The following LRRC8B variants were observed in gnomAD, a reference collection of about 807,000 sequenced individuals.
LRRC8B encodes leucine rich repeat containing 8 VRAC subunit B.
A neutral mutation model predicts 58.8 loss-of-function variants in LRRC8B; 23 were observed. The observed-to-expected ratio is 0.39, with a 90% confidence interval of 0.28 to 0.55. The LOEUF is 0.55. LRRC8B is among the 20% of genes least tolerant of loss of function. The pLI, the probability that LRRC8B is intolerant of heterozygous loss-of-function variation, is 0.62. For synonymous variants in LRRC8B, 359 were observed against 374.1 expected (o/e 0.96, Z 0.47); for missense variants, 694 against 936.0 (o/e 0.74, Z 3.37).
chr1:89,586,264 T>A (rs1198303884), intron 5 of LRRC8B, among the ~76,000 whole-genome samples: 3 of 152,186 alleles, frequency 2.0e-5, no homozygotes, highest in Non-Finnish European at 4.4e-5. Context: ...GAGCTGATGA[T>A]GCTGGCCTAG....
At chr1:89,586,563 C>T (rs952623655) in intron 5 of LRRC8B, among the ~76,000 whole-genome samples, 2 of 152,222 alleles carry the variant, frequency 1.3e-5, no homozygotes, top group South Asian at 4.2e-4. Flanking sequence ...ATGAAGAAAC[C>T]TTGAGACCAT....
intron 3 of LRRC8B, among the ~76,000 whole-genome samples, chr1:89,578,747 T>C (rs2101044099): frequency 6.6e-6 from 1 of 152,278 alleles, no homozygotes; most frequent in East Asian, 1.9e-4. Context: ...GAAACTTTTT[T>C]TTTGAGGTTT....
At chr1:89,575,893 A>T (rs953122910) in intron 3 of LRRC8B, among the ~76,000 whole-genome samples, 2 of 152,192 alleles carry the variant, frequency 1.3e-5, no homozygotes, top group Non-Finnish European at 2.9e-5. Context: ...CTTTTTAAAC[A>T]TATTGTAAAC....
At chr1:89,531,860 G>A (rs991671037) in intron 1 of LRRC8B, among the ~76,000 whole-genome samples, 1 of 152,154 alleles carries the variant, frequency 6.6e-6, no homozygotes, top group Admixed American at 6.5e-5. Flanking sequence ...CTAGTGTTGT[G>A]TGTGGTGGTC....
intron 1 of LRRC8B, among the ~76,000 whole-genome samples, chr1:89,544,602 A>ATAATAATATCCC (rs201091495): frequency 0.014 from 2,177 of 152,308 alleles, 19 homozygotes; most frequent in Non-Finnish European, 0.024. Context: ...CCTTATAATA[A>ATAATAATATCCC]TAATAATATC....
At chr1:89,540,723 G>A (rs2100835620) in intron 1 of LRRC8B, among the ~76,000 whole-genome samples, 1 of 152,300 alleles carries the variant, frequency 6.6e-6, no homozygotes, top group South Asian at 2.1e-4. Flanking sequence ...TTAGTTTTGG[G>A]AAGTAACACT....
intron 1 of LRRC8B, among the ~76,000 whole-genome samples, chr1:89,546,096 G>A: frequency 6.6e-6 from 1 of 152,046 alleles, no homozygotes; most frequent in East Asian, 1.9e-4. Context: ...GGTATATTAT[G>A]TGTTTTTTGA....
intron 1 of LRRC8B, among the ~76,000 whole-genome samples, chr1:89,527,795 A>C (rs555372382): frequency 1.3e-5 from 2 of 152,226 alleles, no homozygotes; most frequent in Non-Finnish European, 2.9e-5. Context: ...GCCTAGCTCC[A>C]ATCACTGATC....
At chr1:89,588,258 T>C (rs147257106) in intron 5 of LRRC8B, among the ~76,000 whole-genome samples, 2 of 152,294 alleles carry the variant, frequency 1.3e-5, no homozygotes, top group African/African-American at 4.8e-5. Flanking sequence ...AGGACGGTAA[T>C]AGGTGTCACC....
intron 1 of LRRC8B, among the ~76,000 whole-genome samples, chr1:89,555,090 G>A (rs572281679): frequency 2.0e-5 from 3 of 152,296 alleles, no homozygotes; most frequent in African/African-American, 7.2e-5. Context: ...CTAAGACCAA[G>A]TGAAGCTGCA....
intron 1 of LRRC8B, among the ~76,000 whole-genome samples, chr1:89,534,050 A>G (rs923484124): frequency 2.0e-5 from 3 of 152,226 alleles, no homozygotes; most frequent in Non-Finnish European, 4.4e-5. Context: ...CTTCAATGAA[A>G]TAATCCTGAC....
rs750723153 is a variant in LRRC8B, at chr1:89,583,031, G to A, written c.381G>A (p.Leu127=). 36 of 1,614,036 alleles carry A rather than the reference G, an allele frequency of 2.2e-5. 1 individual carries two copies. The South Asian group carries it at 3.7e-4, about 17-fold the overall frequency. ...AGTTTTTCCCCTATCTGGTGCTCTT[G>A]CACACGCTCATCTTTGCAGCCTGCA... ...FAKFFPYLVL[L]HTLIFAACSN... is the part of the protein sequence containing the mutation. Residue 127 remains leucine, a synonymous_variant, in exon 5 of 6, where the codon TTG becomes TTA. Transcript: ENST00000330947. The surrounding 1 kb of genome is among the most constrained non-coding windows in gnomAD (Gnocchi z 5.2).
chr1:89,534,062 T>C (rs560114398), intron 1 of LRRC8B, among the ~76,000 whole-genome samples: 1 of 152,322 alleles, frequency 6.6e-6, no homozygotes, highest in South Asian at 2.1e-4. Context: ...AATCCTGACT[T>C]TGGCTTTCTA....
In LRRC8B at chr1:89,546,363, T is replaced by C. The variant is rs185651034; in HGVS notation, c.-241+21341T>C. Among the ~76,000 whole-genome samples the C allele has an allele frequency of 2.2e-3, 340 of 152,318 alleles. 4 individuals are homozygous for C. The highest frequency in any genetic ancestry group is 0.02 in the Admixed American group (307 of 15,304). Reference sequence around the variant, plus strand: ...GCAGTAACTCCACTTTACCATCTGCTTCAGGAGTGTCAGATCTAATGTGCC... The same window carrying C: ...GCAGTAACTCCACTTTACCATCTGCCTCAGGAGTGTCAGATCTAATGTGCC... On this transcript the variant is annotated intron_variant, in intron 1 of 5. Coordinates refer to ENST00000330947, the MANE Select transcript of LRRC8B (RefSeq NM_001369817.2).
intron 1 of LRRC8B, among the ~76,000 whole-genome samples, chr1:89,541,243 G>A (rs925738198): frequency 6.6e-6 from 1 of 152,134 alleles, no homozygotes; most frequent in Non-Finnish European, 1.5e-5. Context: ...CATTGGGTAA[G>A]GTTTCTTGGC....
At chr1:89,569,911 G>C (rs945181034) in intron 3 of LRRC8B, among the ~76,000 whole-genome samples, 1 of 151,986 alleles carries the variant, frequency 6.6e-6, no homozygotes, top group Admixed American at 6.6e-5. Context: ...CCCTCTATGT[G>C]TCCATGTGTT....
chr1:89,567,437 C>T (rs1653126794), intron 1 of LRRC8B, among the ~76,000 whole-genome samples: 1 of 152,252 alleles, frequency 6.6e-6, no homozygotes, highest in East Asian at 1.9e-4. Flanking sequence ...CAGCAAAATA[C>T]TCCTCTGGTT....
chr1:89,531,204 T>C (rs937675455), intron 1 of LRRC8B, among the ~76,000 whole-genome samples: 2 of 152,242 alleles, frequency 1.3e-5, no homozygotes, highest in African/African-American at 2.4e-5. Context: ...ATGACTTGTC[T>C]TTCAGAAGCA....
At chr1:89,585,237 A>G (rs1654538410) in intron 5 of LRRC8B, among the ~76,000 whole-genome samples, 1 of 152,230 alleles carries the variant, frequency 6.6e-6, no homozygotes, top group African/African-American at 2.4e-5. Context: ...AATTATTCAT[A>G]AATCCTTTTT....
Sources: allele counts gnomAD v4.1 joint callset (sites outside exome capture counted in the v4.1 genomes callset), GRCh38; gene constraint gnomAD v4.1.1; non-coding constraint Gnocchi (gnomAD v3.1); transcripts MANE v1.5; gene names NCBI Gene and HGNC (gene_info 2026-07-23, HGNC 2026-07-21).